Variants in MTA3 observed in about 807,000 individuals in gnomAD.
MTA3 encodes metastasis-associated protein MTA3.
MTA3 carries 34 observed loss-of-function variants against 83.5 expected under a neutral mutation model. The observed-to-expected ratio is 0.41, with a 90% CI of 0.31 to 0.54. The LOEUF (loss-of-function observed/expected upper bound fraction) is 0.54. MTA3 is among the 20% of genes least tolerant of loss of function. The probability of loss-of-function intolerance (pLI) is 0.33; values close to 1 mark genes in which losing one functional copy is unlikely to be tolerated. For synonymous variants in MTA3, 303 were observed against 252.7 expected, an observed-to-expected ratio of 1.20 and a Z score of -1.89; for missense variants, 761 against 726.4, an observed-to-expected ratio of 1.05 and a Z score of -0.55.
Position 42,756,364 on chromosome 2 carries a change from A to C in MTA3, c.*2965A>C. 3 of 698,798 alleles carry C rather than the reference A, an allele frequency of 4.3e-6. No homozygotes were observed. Among genetic ancestry groups the C allele is most frequent in the Non-Finnish European group, 5.3e-6 (3 of 568,098 alleles). The allele number at this position is 698,798 out of a possible 1,614,324, so 43.3% of individuals were successfully genotyped here. A position where few individuals can be genotyped will look rare whatever the true frequency, so the allele number is the denominator to read the frequency against. On this transcript the variant is annotated 3_prime_UTR_variant, in exon 17 of 17. Coordinates refer to ENST00000405094, the MANE Select transcript of MTA3 (RefSeq NM_001330442.2). Reference sequence around the variant, plus strand: ...CAGAGTCCTGCAGGTGCCTCACAGTAGTGAAACCCAGTTGGAAGCAGCTGC... The same window carrying C: ...CAGAGTCCTGCAGGTGCCTCACAGTCGTGAAACCCAGTTGGAAGCAGCTGC...
chr2:42,650,640 A>T (rs1008179784), intron 6 of MTA3, among the ~76,000 whole-genome samples: 1 of 151,832 alleles, frequency 6.6e-6, no homozygotes, highest in African/African-American at 2.4e-5. Context: ...CGGGGTTTCA[A>T]GGATGGTCTC....
At chr2:42,721,788 T>C (rs971127356) in intron 15 of MTA3, among the ~76,000 whole-genome samples, 2 of 152,182 alleles carry the variant, frequency 1.3e-5, no homozygotes, top group African/African-American at 4.8e-5. Flanking sequence ...GAACAAAGGC[T>C]TCAGTGAGTC....
intron 2 of MTA3, among the ~76,000 whole-genome samples, chr2:42,546,536 C>G (rs1316300353): frequency 6.6e-6 from 1 of 152,134 alleles, no homozygotes; most frequent in Non-Finnish European, 1.5e-5. Flanking sequence ...AAAAAAATTA[C>G]TTGCAGTTTC....
chr2:42,572,974 C>T (rs932609226), intron 2 of MTA3, among the ~76,000 whole-genome samples: 13 of 152,076 alleles, frequency 8.5e-5, no homozygotes, highest in African/African-American at 2.7e-4. Flanking sequence ...GTGATCCACC[C>T]GCCCCAGCCT....
chr2:42,683,787 A>T (rs1163030051), intron 9 of MTA3, among the ~76,000 whole-genome samples: 5 of 152,118 alleles, frequency 3.3e-5, no homozygotes, highest in African/African-American at 1.2e-4. Flanking sequence ...GGGCAGTGGG[A>T]GTAATGGGGA....
intron 2 of MTA3, among the ~76,000 whole-genome samples, chr2:42,524,447 C>T (rs990206825): frequency 6.6e-6 from 1 of 150,882 alleles, no homozygotes; most frequent in Non-Finnish European, 1.5e-5. Flanking sequence ...ACTACAATTG[C>T]CCGCCACCAC....
At chr2:42,587,600 ATTTG>A (rs1220636066) in intron 3 of MTA3, among the ~76,000 whole-genome samples, 2 of 149,622 alleles carry the variant, frequency 1.3e-5, no homozygotes, top group Non-Finnish European at 3.0e-5. Flanking sequence ...TTATTCATTT[ATTTG>A]TTTGTTTTTT....
intron 2 of MTA3, among the ~76,000 whole-genome samples, chr2:42,571,232 TAAA>T (rs1385443584): frequency 6.6e-6 from 1 of 150,710 alleles, no homozygotes; most frequent in Non-Finnish European, 1.5e-5. Flanking sequence ...CTGTTTCTAC[TAAA>T]AAAGTACAAA....
At chr2:42,550,372 C>T (rs1248746069) in intron 2 of MTA3, among the ~76,000 whole-genome samples, 2 of 152,184 alleles carry the variant, frequency 1.3e-5, no homozygotes, top group Admixed American at 6.6e-5. Context: ...TTGGTTTCAG[C>T]ATCCACTGGG....
intron 2 of MTA3, among the ~76,000 whole-genome samples, chr2:42,550,682 G>C (rs1677068740): frequency 6.6e-6 from 1 of 152,152 alleles, no homozygotes; most frequent in African/African-American, 2.4e-5. Flanking sequence ...GGCTATCCTT[G>C]AATATTGTGC....
chr2:42,670,107 G>T (rs1405944758), intron 8 of MTA3, among the ~76,000 whole-genome samples: 1 of 151,972 alleles, frequency 6.6e-6, no homozygotes, highest in African/African-American at 2.4e-5. Flanking sequence ...TAAATACAAA[G>T]AATTAGCTGG....
chr2:42,744,414 A>G (rs779061580), intron 16 of MTA3, among the ~76,000 whole-genome samples: 5 of 152,030 alleles, frequency 3.3e-5, no homozygotes, highest in Non-Finnish European at 7.4e-5. Flanking sequence ...TAGACTTGAG[A>G]CCCTCTCAGC....
At chr2:42,636,902 G>A (rs1209077725) in intron 4 of MTA3, among the ~76,000 whole-genome samples, 1 of 152,086 alleles carries the variant, frequency 6.6e-6, no homozygotes, top group Non-Finnish European at 1.5e-5. Context: ...TGGGATCATA[G>A]GCATGAGCCA....
intron 4 of MTA3, among the ~76,000 whole-genome samples, chr2:42,629,619 G>C (rs1686479097): frequency 1.3e-5 from 2 of 152,012 alleles, no homozygotes; most frequent in Admixed American, 1.3e-4. Context: ...TGCAGTTGGG[G>C]TTTTTAAGGC....
At chr2:42,630,338 G>C (rs962442117) in intron 4 of MTA3, among the ~76,000 whole-genome samples, 4 of 152,128 alleles carry the variant, frequency 2.6e-5, no homozygotes, top group Non-Finnish European at 5.9e-5. Flanking sequence ...AGTGGAGGGG[G>C]ATTTGTAATA....
At chr2:42,623,721 C>CA (rs1464358015) in intron 4 of MTA3, among the ~76,000 whole-genome samples, 2 of 131,074 alleles carry the variant, frequency 1.5e-5, no homozygotes, top group Non-Finnish European at 3.1e-5. Flanking sequence ...TTTTTTGAGA[C>CA]AGAGTCTGTC....
intron 7 of MTA3, among the ~76,000 whole-genome samples, chr2:42,658,861 GC>G (rs1406758846): frequency 2.0e-5 from 3 of 151,200 alleles, no homozygotes; most frequent in African/African-American, 7.3e-5. Context: ...GATCACTTGA[GC>G]CCAGGAGTTT....
In MTA3 at chr2:42,722,770, T is replaced by C. The variant is rs933081551; in HGVS notation, c.1613-119T>C. The C allele has an allele frequency of 2.0e-5, 24 of 1,207,792 alleles. No homozygotes were observed. In the Admixed American group the frequency reaches 5.8e-4, roughly 29 times the overall value. 74.8% of individuals were successfully genotyped at this position (1,207,792 alleles called of 1,614,324 possible). A position where few individuals can be genotyped will look rare whatever the true frequency, so the allele number is the denominator to read the frequency against. On this transcript the variant is annotated intron_variant, in intron 15 of 16. Coordinates refer to ENST00000405094, the MANE Select transcript of MTA3 (RefSeq NM_001330442.2). ...CTCATTATGCAAGTCCTTGGCTGGCTCAGGAGGAACTGACTCTCAGCTCAT... is the reference window on the plus strand; with the variant it reads ...CTCATTATGCAAGTCCTTGGCTGGCCCAGGAGGAACTGACTCTCAGCTCAT...
intron 6 of MTA3, among the ~76,000 whole-genome samples, chr2:42,654,524 C>G (rs566722516): frequency 2.6e-5 from 4 of 152,356 alleles, no homozygotes; most frequent in Admixed American, 1.3e-4. Context: ...AATCATTTGT[C>G]CTAACATTGA....
Sources: allele counts gnomAD v4.1 joint callset (sites outside exome capture counted in the v4.1 genomes callset), GRCh38; gene constraint gnomAD v4.1.1; transcripts MANE v1.5; gene names NCBI Gene and HGNC (gene_info 2026-07-23, HGNC 2026-07-21).